The following LPA variants were observed in gnomAD, a reference collection of about 807,000 sequenced individuals.
LPA encodes apolipoprotein(a).
In LPA, 199 loss-of-function variants were observed where a neutral mutation model predicts 197.9. The ratio of observed to expected loss-of-function variants is 1.01; its 90% confidence interval spans 0.90 to 1.13. The LOEUF (loss-of-function observed/expected upper bound fraction) is 1.13, where lower values mean the gene tolerates loss of function less well. Ranked by LOEUF, LPA falls within the 50% of genes most tolerant of loss-of-function variation. The pLI is 0.00. For missense variants in LPA, 1,853 were observed against 1,785.8 expected (o/e 1.04, Z -0.68); for synonymous variants, 715 against 639.5 (o/e 1.12, Z -1.78).
chr6:160,552,471 C>T (rs930060390), intron 30 of LPA, among the ~76,000 whole-genome samples: 13 of 152,250 alleles, frequency 8.5e-5, no homozygotes, highest in South Asian at 2.1e-4. Flanking sequence ...AAATTTATCA[C>T]TAAATATTTT....
intron 18 of LPA, 23 bp from the exon 19 acceptor site, chr6:160,601,121 C>T: frequency 1.9e-6 from 3 of 1,612,710 alleles, no homozygotes; most frequent in Non-Finnish European, 2.5e-6. Flanking sequence ...AAAGAATACA[C>T]ATCACAAAAA....
intron 20 of LPA, 77 bp from the exon 21 acceptor site, chr6:160,595,612 T>C (rs1779117665): frequency 1.9e-6 from 3 of 1,599,912 alleles, no homozygotes; most frequent in Non-Finnish European, 8.5e-7. Flanking sequence ...TACATTTTGC[T>C]GTAACAAAGT....
At chr6:160,580,675 C>G (rs973274007) in intron 26 of LPA, among the ~76,000 whole-genome samples, 1 of 152,106 alleles carries the variant, frequency 6.6e-6, no homozygotes, top group African/African-American at 2.4e-5. Flanking sequence ...ATGTTGTGCA[C>G]TTTTTCAGGT....
At chr6:160,543,874 C>G (rs960282894) in intron 33 of LPA, among the ~76,000 whole-genome samples, 2 of 152,208 alleles carry the variant, frequency 1.3e-5, no homozygotes, top group African/African-American at 2.4e-5. Flanking sequence ...ACCTGAATAT[C>G]CCACCAACCA....
intron 30 of LPA, among the ~76,000 whole-genome samples, chr6:160,550,227 A>G (rs1458270548): frequency 1.3e-5 from 2 of 152,018 alleles, no homozygotes; most frequent in Non-Finnish European, 2.9e-5. Flanking sequence ...CAAGAAAAAA[A>G]AAAAAAAAAG....
chr6:160,635,702 T>C (rs1779804413), intron 6 of LPA, among the ~76,000 whole-genome samples: 2 of 114,362 alleles, frequency 1.7e-5, no homozygotes, highest in Non-Finnish European at 3.7e-5. Context: ...CATCTGTATC[T>C]GTCTAGTCTC....
At chr6:160,647,135 C>A (rs567032523) in intron 2 of LPA, among the ~76,000 whole-genome samples, 4 of 152,180 alleles carry the variant, frequency 2.6e-5, no homozygotes, top group Non-Finnish European at 4.4e-5. Flanking sequence ...CTCAGTCTAT[C>A]CTCTGCTGTC....
intron 18 of LPA, among the ~76,000 whole-genome samples, chr6:160,602,910 C>T (rs1020891271): frequency 6.6e-6 from 1 of 151,712 alleles, no homozygotes; most frequent in East Asian, 1.9e-4. Flanking sequence ...GCTCTTTTTC[C>T]TCCAGTTTCT....
At chr6:160,532,442 T>G in intron 38 of LPA, 89 bp downstream of exon 38, 1 of 1,023,764 alleles carries the variant, frequency 9.8e-7, no homozygotes, top group Non-Finnish European at 1.5e-6. Flanking sequence ...GACAAAACCT[T>G]CCTGAATTTG....
In LPA at chr6:160,582,472, C is replaced by T. The variant is rs1373410055; in HGVS notation, c.4289+2574G>A. Among the ~76,000 whole-genome samples the T allele has an allele frequency of 2.6e-5, 4 of 151,806 alleles. No homozygotes were observed. In the Middle Eastern group the frequency reaches 0.01, roughly 393 times the overall value. On this transcript the variant is annotated intron_variant, in intron 26 of 38. Transcript: ENST00000316300. Reference sequence around the variant, plus strand: ...GTTATTTTGTTGTTTCTGATTTGATCTTTTTTTCTTCTTACCACTCTAAAG... The same window carrying T: ...GTTATTTTGTTGTTTCTGATTTGATTTTTTTTTCTTCTTACCACTCTAAAG...
intron 30 of LPA, among the ~76,000 whole-genome samples, chr6:160,550,344 T>C (rs906680001): frequency 3.3e-5 from 5 of 152,092 alleles, no homozygotes; most frequent in Non-Finnish European, 5.9e-5. Context: ...ATTCATGACA[T>C]GTGGCTGTCT....
At chr6:160,603,592 C>G (rs111672621) in intron 18 of LPA, among the ~76,000 whole-genome samples, 7 of 152,092 alleles carry the variant, frequency 4.6e-5, no homozygotes, top group Admixed American at 4.6e-4. Flanking sequence ...TCATTTCTGT[C>G]ATTTCTAGGT....
At chr6:160,578,441 T>C in intron 27 of LPA, 82 bp downstream of exon 27, 1 of 1,519,184 alleles carries the variant, frequency 6.6e-7, no homozygotes, top group Non-Finnish European at 9.1e-7. Context: ...CCCTCCAGTG[T>C]ACCACTGAAG....
At chr6:160,549,456 T>A (rs978413324) in intron 30 of LPA, among the ~76,000 whole-genome samples, 4 of 152,196 alleles carry the variant, frequency 2.6e-5, no homozygotes, top group African/African-American at 9.6e-5. Flanking sequence ...ACTCTCTGTA[T>A]CTCTTTCTAC....
chr6:160,547,724 GC>G lies in LPA; in HGVS notation c.5304+64del. On this transcript the variant is annotated intron_variant, in intron 32 of 38. Coordinates refer to ENST00000316300, the MANE Select transcript of LPA (RefSeq NM_005577.4). ...TGAAGTCTTTCCAGTATTTTCCTCT[GC>G]CCCTCTTCTGTTTGAAAAGATTTGT... The G allele has an allele frequency of 3.7e-6, 6 of 1,606,194 alleles. 1 individual carries two copies. The South Asian group carries it at 4.4e-5, about 12-fold the overall frequency.
At chr6:160,600,891 G>C (rs200672616) in intron 19 of LPA, 26 bp downstream of exon 19, 129 of 1,611,086 alleles carry the variant, frequency 8.0e-5, no homozygotes, top group Non-Finnish European at 1.1e-4. Context: ...CATCCAAGCA[G>C]GTAAATGTCT....
At chr6:160,646,804 C>T (rs1307837043) in intron 2 of LPA, among the ~76,000 whole-genome samples, 5 of 148,454 alleles carry the variant, frequency 3.4e-5, no homozygotes, top group African/African-American at 1.3e-4. Flanking sequence ...GTCTAGTCTC[C>T]GTATCTCTCT....
intron 28 of LPA, among the ~76,000 whole-genome samples, chr6:160,559,214 C>A (rs1180860403): frequency 6.6e-6 from 1 of 152,186 alleles, no homozygotes; most frequent in African/African-American, 2.4e-5. Context: ...GAGGCAAATA[C>A]ATTGGTTTCT....
chr6:160,576,382 A>G (rs796150761), intron 28 of LPA, among the ~76,000 whole-genome samples: 82 of 50,640 alleles, frequency 1.6e-3, no homozygotes, highest in African/African-American at 8.3e-3. Context: ...ATATATATAT[A>G]TATATATGTA....
Sources: allele counts gnomAD v4.1 joint callset (sites outside exome capture counted in the v4.1 genomes callset), GRCh38; gene constraint gnomAD v4.1.1; transcripts MANE v1.5; gene names NCBI Gene and HGNC (gene_info 2026-07-23, HGNC 2026-07-21).